The following SLC35B1 variants were observed in gnomAD, a reference collection of about 807,000 sequenced individuals.
SLC35B1 encodes ATP/ADP exchanger ER.
Under a neutral mutation model 36.6 loss-of-function variants are expected in SLC35B1, and 27 were observed. The ratio of observed to expected loss-of-function variants is 0.74; its 90% CI spans 0.54 to 1.02. The LOEUF is 1.02. Among genes scored for constraint, SLC35B1 ranks in the 50% least tolerant of loss-of-function variants. The pLI is 0.00. For missense variants in SLC35B1, 321 were observed against 383.2 expected (o/e 0.84, Z 1.35); for synonymous variants, 162 against 152.5 (o/e 1.06, Z -0.46).
At position 49,707,289 on chromosome 17, in the gene SLC35B1, T is replaced by A. The variant is rs913843424; in HGVS notation, c.105-221A>T. 7 of 1,457,782 alleles carry A rather than the reference T, an allele frequency of 4.8e-6. No homozygotes were observed. In the African/African-American group the frequency reaches 8.5e-5, roughly 18 times the overall value. The allele number at this position is 1,457,782 out of a possible 1,614,324, so 90.3% of individuals were successfully genotyped here. A position where few individuals can be genotyped will look rare whatever the true frequency, so the allele number is the denominator to read the frequency against. ...CTGATTCCAAAGCCTAAGAAAAGAA[T>A]ACCCGAAAAAGACGGAGAGGAAACA... On this transcript the variant is annotated intron_variant, in intron 1 of 8. Coordinates refer to ENST00000240333, the MANE Select transcript of SLC35B1 (RefSeq NM_005827.4).
Position 49,707,906 on chromosome 17 carries a change from C to T in SLC35B1, c.-73G>A, listed in dbSNP as rs1393419686. The T allele has an allele frequency of 1.3e-6, 2 of 1,591,458 alleles. No homozygotes were observed. The highest frequency in any genetic ancestry group is 1.3e-5 in the African/African-American group (1 of 74,824). On this transcript the variant is annotated 5_prime_UTR_variant, in exon 1 of 9. Transcript: ENST00000240333. ...GCAGCAGCGGCGGCGGAGGCGACAG[C>T]TCCAGCCGGACATCGCCGACCGGCG...
chr17:49,706,103 T>A, intron 3 of SLC35B1, 101 bp downstream of exon 3: 3 of 100,540 alleles, frequency 3.0e-5, no homozygotes, highest in Non-Finnish European at 4.2e-5. Flanking sequence ...GACCGTTATC[T>A]TTTTTTTTTT....
intron 1 of SLC35B1, 23 bp from the exon 2 acceptor site, chr17:49,707,091 A>C: frequency 6.3e-7 from 1 of 1,576,750 alleles, no homozygotes; most frequent in Middle Eastern, 1.7e-4. Context: ...TGCATGAGAA[A>C]AGAGGGAGAA....
chr17:49,706,103 T>TC, intron 3 of SLC35B1, 101 bp downstream of exon 3: 1 of 100,550 alleles, frequency 9.9e-6, no homozygotes, highest in Non-Finnish European at 1.4e-5. Flanking sequence ...GACCGTTATC[T>TC]TTTTTTTTTT....
chr17:49,701,400 T>C lies in SLC35B1; in HGVS notation c.*58A>G. ...CTATTAAGTCCATTTTCCCAAGAGA[T>C]GTCACTGTTTGAGATAATAACTTAA... On this transcript the variant is annotated 3_prime_UTR_variant, in exon 9 of 9. Coordinates refer to ENST00000240333, the MANE Select transcript of SLC35B1 (RefSeq NM_005827.4). 1 of 1,336,652 alleles carries C rather than the reference T, an allele frequency of 7.5e-7. No individual in the cohort carries two copies. The highest frequency in any genetic ancestry group is 1.1e-6 in the Non-Finnish European group (1 of 928,894). 82.8% of individuals were successfully genotyped at this position (1,336,652 alleles called of 1,614,324 possible).
At chr17:49,706,848 C>T (rs2073425137) in intron 2 of SLC35B1, 117 bp downstream of exon 2, 1 of 735,940 alleles carries the variant, frequency 1.4e-6, no homozygotes. Context: ...TGTGTAAGTA[C>T]AAAATGGGGT....
intron 2 of SLC35B1, 49 bp from the exon 3 acceptor site, chr17:49,706,383 A>G: frequency 7.0e-7 from 1 of 1,428,716 alleles, no homozygotes; most frequent in Non-Finnish European, 9.2e-7. Context: ...AAAGAAAAAA[A>G]AAAAAAAACA....
intron 6 of SLC35B1, chr17:49,703,606 T>G: frequency 2.7e-6 from 1 of 365,934 alleles, no homozygotes; most frequent in Non-Finnish European, 5.2e-6. Flanking sequence ...CACACATCCT[T>G]AGCTCAAGGA....
intron 6 of SLC35B1, 82 bp from the exon 7 acceptor site, chr17:49,703,376 AGACACTCCTG>A: frequency 1.2e-6 from 1 of 862,726 alleles, no homozygotes; most frequent in Non-Finnish European, 1.9e-6. Context: ...ACACACACAC[AGACACTCCTG>A]CACATGGCCT....
rs1380247182 is a variant in SLC35B1, at chr17:49,707,303, G to A, written c.105-235C>T. 4.1e-6 allele frequency: 6 copies of A among 1,449,178 alleles called. No individual in the cohort carries two copies. In the African/African-American group the frequency reaches 7.1e-5, roughly 17 times the overall value. 89.8% of individuals were successfully genotyped at this position (1,449,178 alleles called of 1,614,324 possible). On this transcript the variant is annotated intron_variant, in intron 1 of 8. Coordinates refer to ENST00000240333, the MANE Select transcript of SLC35B1 (RefSeq NM_005827.4). Reference sequence around the variant, plus strand: ...TAAGAAAAGAATACCCGAAAAAGACGGAGAGGAAACATGCAGAACGAGATA... The same window carrying A: ...TAAGAAAAGAATACCCGAAAAAGACAGAGAGGAAACATGCAGAACGAGATA...
chr17:49,701,133 C>A lies in SLC35B1; in HGVS notation c.*325G>T, dbSNP rs2073346935. ...TCTCACAGAGTTCCTCCCTATAATC[C>A]TCAGGTTCTTGGAGGAATCGCCCAC... On this transcript the variant is annotated 3_prime_UTR_variant, in exon 9 of 9. Coordinates refer to ENST00000240333, the MANE Select transcript of SLC35B1 (RefSeq NM_005827.4). 1 of 251,842 alleles carries A rather than the reference C, an allele frequency of 4.0e-6. No homozygotes were observed. Among genetic ancestry groups the A allele is most frequent in the Non-Finnish European group, 7.8e-6 (1 of 127,776 alleles). 15.6% of individuals were successfully genotyped at this position (251,842 alleles called of 1,614,324 possible). A position where few individuals can be genotyped will look rare whatever the true frequency, so the allele number is the denominator to read the frequency against.
At chr17:49,706,528 C>T (rs2073422390) in intron 2 of SLC35B1, among the ~76,000 whole-genome samples, 194 bp from the exon 3 acceptor site, 1 of 152,022 alleles carries the variant, frequency 6.6e-6, no homozygotes, top group Non-Finnish European at 1.5e-5. Context: ...TTCATCTTTC[C>T]AATTCTACCT....
Position 49,704,239 on chromosome 17 carries a change from G to A in SLC35B1, c.529-13C>T, listed in dbSNP as rs1350523853. 6.2e-7 allele frequency: 1 copy of A among 1,612,372 alleles called. No homozygotes were observed. The highest frequency in any genetic ancestry group is 1.7e-5 in the Admixed American group (1 of 60,004). Reference sequence around the variant, plus strand: ...TCAGCGATAATAGCTGGGAAAGAAAGGGTGCAGCCTGCAGTGAAGTGGCCA... The same window carrying A: ...TCAGCGATAATAGCTGGGAAAGAAAAGGTGCAGCCTGCAGTGAAGTGGCCA... On this transcript the variant is annotated splice_polypyrimidine_tract_variant and intron_variant, in intron 5 of 8. Coordinates refer to ENST00000240333, the MANE Select transcript of SLC35B1 (RefSeq NM_005827.4).
rs914805292 is a variant in SLC35B1 at position 49,705,803 on chromosome 17, CAG to C, written c.370+61_370+62del. 5 of 1,505,544 alleles carry C rather than the reference CAG, an allele frequency of 3.3e-6. No individual in the cohort carries two copies. The Admixed American group carries it at 8.4e-5, about 25-fold the overall frequency. 93.3% of individuals were successfully genotyped at this position (1,505,544 alleles called of 1,614,324 possible). A position where few individuals can be genotyped will look rare whatever the true frequency, so the allele number is the denominator to read the frequency against. On this transcript the variant is annotated intron_variant, in intron 4 of 8. Coordinates refer to ENST00000240333, the MANE Select transcript of SLC35B1 (RefSeq NM_005827.4). ...GAAGCCGAGAGGGACACAGTTGTAG[CAG>C]AGAGAGAGCTTACTATAGGAAGAGT...
chr17:49,707,468 G>A, intron 1 of SLC35B1: 1 of 1,478,306 alleles, frequency 6.8e-7, no homozygotes, highest in South Asian at 1.2e-5. Context: ...AGAAGTCTCA[G>A]CCTGTAAAAC....
chr17:49,705,539 G>A, intron 4 of SLC35B1: 2 of 587,550 alleles, frequency 3.4e-6, no homozygotes, highest in Admixed American at 3.2e-5. Context: ...GGGAACAGTG[G>A]AGAAGGAAAA....
chr17:49,707,643 A>AGGAAAGCCCGGGTCCAGAGGC, intron 1 of SLC35B1, 87 bp downstream of exon 1: 1 of 1,498,850 alleles, frequency 6.7e-7, no homozygotes, highest in South Asian at 1.2e-5. Flanking sequence ...GGAGGACAAG[A>AGGAAAGCCCGGGTCCAGAGGC]GGAAAGCCCG....
At chr17:49,707,506 AAC>A in intron 1 of SLC35B1, 1 of 1,480,420 alleles carries the variant, frequency 6.8e-7, no homozygotes, top group Non-Finnish European at 8.9e-7. Flanking sequence ...AGCGGGGAAA[AAC>A]AGCTAAGAAA....
chr17:49,702,192 C>T (rs1163383211), intron 8 of SLC35B1: 1 of 157,850 alleles, frequency 6.3e-6, no homozygotes, highest in Admixed American at 6.2e-5. Context: ...GTGATCACAG[C>T]TCACCTCAGC....
Sources: gnomAD v4.1 joint callset for allele counts (sites outside exome capture counted in the v4.1 genomes callset) on GRCh38, gnomAD v4.1.1 for gene constraint, MANE v1.5 for transcripts, NCBI Gene and HGNC (gene_info 2026-07-23, HGNC 2026-07-21) for gene names.